CCSER1: variants seen among roughly 807,000 people sequenced by gnomAD.
The protein encoded by CCSER1 is serine-rich coiled-coil domain-containing protein 1.
In CCSER1, 41 loss-of-function variants were observed where a neutral mutation model predicts 82.0. That is an observed-to-expected ratio of 0.50 (90% CI 0.39 to 0.65). The LOEUF is 0.65. Ranked by LOEUF, CCSER1 falls within the 30% of genes least tolerant of loss-of-function variation. CCSER1 has a pLI of 0.00. For missense variants in CCSER1, 1,119 were observed against 1,064.2 expected, an observed-to-expected ratio of 1.05 and a Z score of -0.72; for synonymous variants, 414 against 383.9, an observed-to-expected ratio of 1.08 and a Z score of -0.92.
chr4:91,274,634 C>A (rs959001891), intron 10 of CCSER1, among the ~76,000 whole-genome samples: 6 of 152,150 alleles, frequency 3.9e-5, no homozygotes, highest in African/African-American at 1.4e-4. Flanking sequence ...TCTAGTTCAT[C>A]CATCTTGCTG....
intron 5 of CCSER1, among the ~76,000 whole-genome samples, chr4:90,524,661 G>T (rs1773533086): frequency 6.6e-6 from 1 of 152,032 alleles, no homozygotes; most frequent in East Asian, 1.9e-4. Context: ...TAGAGACAGG[G>T]TTTCACCATG....
intron 10 of CCSER1, among the ~76,000 whole-genome samples, chr4:91,576,603 A>G (rs1010369979): frequency 9.9e-5 from 15 of 151,986 alleles, no homozygotes; most frequent in African/African-American, 3.6e-4. Flanking sequence ...GGAGTTTTTC[A>G]GATTTTGGAA....
Position 90,413,915 on chromosome 4 carries a change from C to A in CCSER1, c.1603+13786C>A, listed in dbSNP as rs1455157431. On this transcript the variant is annotated intron_variant, in intron 4 of 10. Transcript: ENST00000509176. ...AGTGAGCCAAGATTGCGCCACTGCA[C>A]CCCAGCCTGGGTGACAGAGCGAGAC... Among the ~76,000 whole-genome samples the A allele has an allele frequency of 9.4e-5, 12 of 127,242 alleles. No individual in the cohort carries two copies. In the South Asian group the frequency reaches 2.8e-3, roughly 29 times the overall value. The allele number at this position is 127,242 out of a possible 152,430, so 83.5% of individuals were successfully genotyped here.
At chr4:90,608,260 A>G (rs1034059255) in intron 5 of CCSER1, among the ~76,000 whole-genome samples, 2 of 152,138 alleles carry the variant, frequency 1.3e-5, no homozygotes, top group African/African-American at 2.4e-5. Context: ...CCACGGTGTT[A>G]TCTGAGGTTC....
intron 8 of CCSER1, among the ~76,000 whole-genome samples, chr4:90,903,736 A>G (rs371616743): frequency 1.5e-3 from 222 of 151,730 alleles, no homozygotes; most frequent in Middle Eastern, 0.01. Context: ...TACTCAGGAG[A>G]CTGAGGCAGG....
At chr4:90,721,897 A>G (rs1412483360) in intron 6 of CCSER1, among the ~76,000 whole-genome samples, 1 of 151,312 alleles carries the variant, frequency 6.6e-6, no homozygotes, top group Non-Finnish European at 1.5e-5. Flanking sequence ...TTATCTCAAT[A>G]TTTCCTCAGA....
At chr4:91,534,085 T>G (rs948826534) in intron 10 of CCSER1, among the ~76,000 whole-genome samples, 1 of 152,086 alleles carries the variant, frequency 6.6e-6, no homozygotes, top group African/African-American at 2.4e-5. Context: ...AGACTAAATT[T>G]GTGAGGCTAA....
chr4:90,979,984 AACT>A (rs976240700), intron 9 of CCSER1, among the ~76,000 whole-genome samples: 19 of 43,656 alleles, frequency 4.4e-4, no homozygotes, highest in Non-Finnish European at 1.4e-3. Context: ...ATGAAACTAT[AACT>A]AAAAAAAAAT....
At chr4:90,133,050 T>C (rs187063126) in intron 1 of CCSER1, among the ~76,000 whole-genome samples, 3 of 152,206 alleles carry the variant, frequency 2.0e-5, no homozygotes, top group Admixed American at 2.0e-4. Context: ...AGCTCTGGGG[T>C]GGGGTTCTCT....
At chr4:91,216,936 G>A (rs1581787130) in intron 10 of CCSER1, among the ~76,000 whole-genome samples, 1 of 152,098 alleles carries the variant, frequency 6.6e-6, no homozygotes. Flanking sequence ...AAGATTTAGG[G>A]GGTATTGTGT....
chr4:91,057,239 A>G (rs1743527701), intron 9 of CCSER1, among the ~76,000 whole-genome samples: 1 of 152,124 alleles, frequency 6.6e-6, no homozygotes, highest in African/African-American at 2.4e-5. Flanking sequence ...GCTATTGACT[A>G]GTTAAGAGCT....
intron 10 of CCSER1, among the ~76,000 whole-genome samples, chr4:91,463,868 C>G (rs1756678224): frequency 6.6e-6 from 1 of 152,192 alleles, no homozygotes; most frequent in Non-Finnish European, 1.5e-5. Context: ...AAGACCAAAT[C>G]TAGGTCTGAT....
chr4:91,009,148 G>A (rs991250660), intron 9 of CCSER1, among the ~76,000 whole-genome samples: 2 of 152,268 alleles, frequency 1.3e-5, no homozygotes, highest in African/African-American at 4.8e-5. Flanking sequence ...CAGCAGTGGT[G>A]GACAGCAAGA....
intron 5 of CCSER1, among the ~76,000 whole-genome samples, chr4:90,471,344 A>G (rs1764369884): frequency 6.6e-6 from 1 of 152,114 alleles, no homozygotes; most frequent in Non-Finnish European, 1.5e-5. Flanking sequence ...CTGAGGGGAA[A>G]GGATCATTTG....
intron 10 of CCSER1, among the ~76,000 whole-genome samples, chr4:91,223,953 TTAATAG>T (rs1220679069): frequency 1.3e-5 from 2 of 152,082 alleles, no homozygotes; most frequent in Non-Finnish European, 1.5e-5. Flanking sequence ...AGTATAAAAA[TTAATAG>T]TAAGGTACCT....
chr4:90,762,302 C>A (rs1283470647), intron 7 of CCSER1, among the ~76,000 whole-genome samples: 1 of 152,144 alleles, frequency 6.6e-6, no homozygotes, highest in Admixed American at 6.6e-5. Context: ...GTGTTTGCTT[C>A]CCCTTTCACC....
intron 3 of CCSER1, among the ~76,000 whole-genome samples, chr4:90,366,432 A>G (rs760546433): frequency 1.3e-5 from 2 of 151,874 alleles, no homozygotes; most frequent in Non-Finnish European, 2.9e-5. Context: ...GTTATAATTT[A>G]TGAATACAGT....
intron 5 of CCSER1, among the ~76,000 whole-genome samples, chr4:90,555,455 T>C (rs28756355): frequency 0.47 from 71,956 of 151,996 alleles, 21,527 homozygotes; most frequent in African/African-American, 0.86. Context: ...CAAATGAGAA[T>C]GTAAAGTTCA....
chr4:91,556,298 T>C (rs1379181450), intron 10 of CCSER1, among the ~76,000 whole-genome samples: 1 of 151,008 alleles, frequency 6.6e-6, no homozygotes, highest in Admixed American at 6.6e-5. Flanking sequence ...CTGTAAACTG[T>C]TAAAAAATTT....
Sources: allele counts gnomAD v4.1 joint callset (sites outside exome capture counted in the v4.1 genomes callset), GRCh38; gene constraint gnomAD v4.1.1; transcripts MANE v1.5; gene names NCBI Gene and HGNC (gene_info 2026-07-23, HGNC 2026-07-21).